EML1: variants seen among roughly 807,000 people sequenced by gnomAD.
EML1 encodes the protein EMAP like 1.
A neutral mutation model predicts 110.4 loss-of-function variants in EML1; 27 were observed. The observed-to-expected ratio is 0.24, with a 90% CI of 0.18 to 0.34. The LOEUF is 0.34. Ranked by LOEUF, EML1 falls within the 10% of genes least tolerant of loss-of-function variation. The pLI is 1.00. For missense variants in EML1, 741 were observed against 1,030.9 expected, an observed-to-expected ratio of 0.72 and a Z score of 3.85; for synonymous variants, 344 against 385.8, an observed-to-expected ratio of 0.89 and a Z score of 1.27.
At chr14:99,848,889 G>A (rs916526391) in intron 1 of EML1, among the ~76,000 whole-genome samples, 4 of 151,626 alleles carry the variant, frequency 2.6e-5, no homozygotes, top group African/African-American at 9.7e-5. Flanking sequence ...CTTGAGCCTA[G>A]GGAGTGAAGG....
chr14:99,906,518 G>A (rs549530277), intron 9 of EML1, among the ~76,000 whole-genome samples: 3 of 152,308 alleles, frequency 2.0e-5, no homozygotes, highest in African/African-American at 7.2e-5. Context: ...AGGACAACCA[G>A]AGGTCACTCT....
intron 10 of EML1, 39 bp from the exon 11 acceptor site, chr14:99,909,306 A>G (rs760903299): frequency 1.9e-6 from 3 of 1,613,874 alleles, no homozygotes; most frequent in Non-Finnish European, 2.5e-6. Context: ...TACGCGTCTT[A>G]AGAGATGTGA....
At chr14:99,768,526 A>T (rs1463000697), upstream of EML1, among the ~76,000 whole-genome samples, 1 of 152,154 alleles carries the variant, frequency 6.6e-6, no homozygotes, top group Non-Finnish European at 1.5e-5. Flanking sequence ...CATGGCTGGA[A>T]TATAGCAAAG....
At chr14:99,757,194 C>T (rs989984293) in intron 1 of EML1, among the ~76,000 whole-genome samples, 3 of 152,134 alleles carry the variant, frequency 2.0e-5, no homozygotes, top group Non-Finnish European at 4.4e-5. Context: ...ACAAAATTAG[C>T]TGGGTGTGGT....
Position 99,910,233 on chromosome 14 carries a change from A to G in EML1, c.1240-9A>G. The G allele has an allele frequency of 1.3e-6, 2 of 1,596,132 alleles. No individual in the cohort carries two copies. The highest frequency in any genetic ancestry group is 1.7e-6 in the Non-Finnish European group (2 of 1,170,028). On this transcript the variant is annotated splice_polypyrimidine_tract_variant and intron_variant, in intron 11 of 21. Transcript: ENST00000262233. The stretch of plus-strand genomic sequence containing the variant: ...AATATATATATAATTTTTTTACTAC[A>G]TTCTACAGAAACAAGAAAAGCCAAA...
chr14:99,873,906 G>A (rs1313593086), intron 3 of EML1, among the ~76,000 whole-genome samples: 1 of 152,212 alleles, frequency 6.6e-6, no homozygotes, highest in African/African-American at 2.4e-5. Flanking sequence ...TTGATGCCTA[G>A]TAAGTGTCTG....
At chr14:99,797,985 A>C (rs2057806202) in intron 1 of EML1, among the ~76,000 whole-genome samples, 1 of 152,182 alleles carries the variant, frequency 6.6e-6, no homozygotes, top group Non-Finnish European at 1.5e-5. Context: ...TCAAAGCTAG[A>C]AAGGCTGTTC....
At chr14:99,791,161 C>A (rs2057666002), upstream of EML1, among the ~76,000 whole-genome samples, 1 of 152,212 alleles carries the variant, frequency 6.6e-6, no homozygotes, top group Non-Finnish European at 1.5e-5. Flanking sequence ...CCCTCGGCCT[C>A]CCTGCCAAAG....
intron 17 of EML1, 101 bp downstream of exon 17, chr14:99,920,978 CG>C: frequency 9.1e-7 from 1 of 1,096,276 alleles, no homozygotes; most frequent in East Asian, 2.4e-5. Context: ...CATAGGTAAA[CG>C]TGTGCCATGG....
chr14:99,746,150 A>G (rs575334263), intron 1 of EML1, among the ~76,000 whole-genome samples: 126 of 152,302 alleles, frequency 8.3e-4, no homozygotes, highest in African/African-American at 2.7e-3. Context: ...AGACGAGCAA[A>G]TGGAGATTTA....
intron 2 of EML1, among the ~76,000 whole-genome samples, chr14:99,861,268 TG>T (rs1484163745): frequency 6.6e-6 from 1 of 152,152 alleles, no homozygotes; most frequent in Non-Finnish European, 1.5e-5. Context: ...GCGTTCCAAG[TG>T]TGATGACGGT....
At chr14:99,868,110 T>C (rs2059133199) in intron 3 of EML1, among the ~76,000 whole-genome samples, 1 of 152,264 alleles carries the variant, frequency 6.6e-6, no homozygotes, top group Non-Finnish European at 1.5e-5. Flanking sequence ...GTGAATATTG[T>C]ATCACATTGA....
chr14:99,791,638 G>A (rs543478556), upstream of EML1, among the ~76,000 whole-genome samples: 47 of 152,222 alleles, frequency 3.1e-4, no homozygotes, highest in Admixed American at 1.6e-3. Flanking sequence ...CCCTCTGGCC[G>A]GCCCTTGGTG....
At chr14:99,778,991 G>A (rs1010463934) in intron 1 of EML1, among the ~76,000 whole-genome samples, 2 of 152,188 alleles carry the variant, frequency 1.3e-5, no homozygotes, top group Non-Finnish European at 2.9e-5. Context: ...ATAACATTTG[G>A]TGGTGGTGTT....
At chr14:99,902,848 CTG>C (rs1737311785) in intron 9 of EML1, among the ~76,000 whole-genome samples, 1 of 152,186 alleles carries the variant, frequency 6.6e-6, no homozygotes, top group African/African-American at 2.4e-5. Context: ...ATCAGGAACC[CTG>C]TACAGGGACT....
chr14:99,790,145 G>C (rs1003645847), upstream of EML1, among the ~76,000 whole-genome samples: 1 of 152,062 alleles, frequency 6.6e-6, no homozygotes, highest in Non-Finnish European at 1.5e-5. Flanking sequence ...AAAGAAAGTG[G>C]ACTGAGTTCT....
rs540944367 is a variant in EML1, at chr14:99,827,523, C to T, written c.68-23330C>T. Among the ~76,000 whole-genome samples, 1 of 152,200 alleles carries T rather than the reference C, an allele frequency of 6.6e-6. No individual in the cohort carries two copies. The highest frequency in any genetic ancestry group is 1.9e-4 in the East Asian group (1 of 5,174). On this transcript the variant is annotated intron_variant, in intron 1 of 21. Coordinates refer to ENST00000262233, the MANE Select transcript of EML1 (RefSeq NM_004434.3). This position sits in a 1 kb window ranked among gnomAD's most constrained non-coding sequence, Gnocchi z 4.4. ...CCAAATTCATGTGTTGAATCTCTAA[C>T]CCTAGTGCCTCAGAGCATGACTATA...
At chr14:99,816,970 A>G (rs902532600) in intron 1 of EML1, among the ~76,000 whole-genome samples, 1 of 152,214 alleles carries the variant, frequency 6.6e-6, no homozygotes, top group Non-Finnish European at 1.5e-5. Context: ...CAAATGTGAC[A>G]TATTTCATTA....
intron 1 of EML1, among the ~76,000 whole-genome samples, chr14:99,764,654 A>G (rs74083925): frequency 0.021 from 3,210 of 152,310 alleles, 84 homozygotes; most frequent in African/African-American, 0.064. Flanking sequence ...CAAGGAGAGA[A>G]GGAGGTGGCT....
Sources: allele counts gnomAD v4.1 joint callset (sites outside exome capture counted in the v4.1 genomes callset), GRCh38; gene constraint gnomAD v4.1.1; non-coding constraint Gnocchi (gnomAD v3.1); transcripts MANE v1.5; gene names NCBI Gene and HGNC (gene_info 2026-07-23, HGNC 2026-07-21).